The following RSPO3 variants were observed in gnomAD, a reference collection of about 807,000 sequenced individuals.
The protein encoded by RSPO3 is R-spondin 3.
Under a neutral mutation model 36.5 loss-of-function variants are expected in RSPO3, and 17 were observed. The observed-to-expected ratio is 0.47, with a 90% CI of 0.32 to 0.70. The LOEUF is 0.70. Ranked by LOEUF, RSPO3 falls within the 30% of genes least tolerant of loss-of-function variation. The pLI, the probability that RSPO3 is intolerant of heterozygous loss-of-function variation, is 0.04. For synonymous variants in RSPO3, 108 were observed against 107.0 expected (o/e 1.01, Z -0.06); for missense variants, 294 against 322.5 (o/e 0.91, Z 0.68).
chr6:127,147,044 C>T (rs1240466658), intron 1 of RSPO3, among the ~76,000 whole-genome samples: 2 of 152,118 alleles, frequency 1.3e-5, no homozygotes, highest in African/African-American at 2.4e-5. Flanking sequence ...GACTACCCCG[C>T]CCCCACAGAG....
At chr6:127,175,710 G>A (rs538096359) in intron 4 of RSPO3, among the ~76,000 whole-genome samples, 2 of 151,674 alleles carry the variant, frequency 1.3e-5, no homozygotes, top group African/African-American at 4.8e-5. Flanking sequence ...CAAATTGATG[G>A]CCTTAAACTG....
chr6:127,133,535 A>G (rs1774096292), intron 1 of RSPO3, among the ~76,000 whole-genome samples: 1 of 152,134 alleles, frequency 6.6e-6, no homozygotes, highest in African/African-American at 2.4e-5. Flanking sequence ...CAGAAAACTG[A>G]TCTTAAAGTC....
chr6:127,155,171 C>T (rs773207581), intron 3 of RSPO3, 70 bp from the exon 4 acceptor site: 5 of 1,493,842 alleles, frequency 3.3e-6, no homozygotes, highest in Non-Finnish European at 4.7e-6. Flanking sequence ...GGAAGCAAAT[C>T]TTTTTTTAAC....
intron 1 of RSPO3, among the ~76,000 whole-genome samples, chr6:127,132,351 G>A (rs1562240798): frequency 6.6e-6 from 1 of 152,120 alleles, no homozygotes; most frequent in Admixed American, 6.6e-5. Flanking sequence ...CAAGAGAGGA[G>A]TTAGTATGAA....
chr6:127,132,916 C>T (rs1195606034), intron 1 of RSPO3, among the ~76,000 whole-genome samples: 1 of 152,004 alleles, frequency 6.6e-6, no homozygotes, highest in Non-Finnish European at 1.5e-5. Context: ...CTAGGAAAGG[C>T]ATATGTCATT....
intron 4 of RSPO3, 73 bp from the exon 5 acceptor site, chr6:127,195,750 C>G (rs1471086857): frequency 9.5e-7 from 1 of 1,048,470 alleles, no homozygotes; most frequent in Non-Finnish European, 1.3e-6. Flanking sequence ...AAATTTAAGT[C>G]ATTTTTTAAA....
At chr6:127,124,477 C>T (rs993608162) in intron 1 of RSPO3, among the ~76,000 whole-genome samples, 22 of 151,442 alleles carry the variant, frequency 1.5e-4, no homozygotes, top group African/African-American at 4.9e-4. Flanking sequence ...TTGGTTAGGA[C>T]TATTTCTTCT....
At chr6:127,131,843 C>T (rs1405275760) in intron 1 of RSPO3, among the ~76,000 whole-genome samples, 1 of 152,072 alleles carries the variant, frequency 6.6e-6, no homozygotes, top group East Asian at 1.9e-4. Flanking sequence ...TCTTCACACA[C>T]TTCTTGTACA....
intron 4 of RSPO3, among the ~76,000 whole-genome samples, chr6:127,178,113 T>C (rs1775093162): frequency 6.6e-6 from 1 of 151,784 alleles, no homozygotes; most frequent in Non-Finnish European, 1.5e-5. Context: ...TGAATTTAAA[T>C]ATTGAAATGG....
At chr6:127,172,662 C>A (rs1241322896) in intron 4 of RSPO3, among the ~76,000 whole-genome samples, 1 of 151,734 alleles carries the variant, frequency 6.6e-6, no homozygotes, top group Non-Finnish European at 1.5e-5. Flanking sequence ...AACATAGATT[C>A]TTTCTGATTG....
chr6:127,169,433 C>G (rs1341419138), intron 4 of RSPO3, among the ~76,000 whole-genome samples: 4 of 151,806 alleles, frequency 2.6e-5, no homozygotes, highest in Admixed American at 6.6e-5. Context: ...TATGTATAAG[C>G]TATCTTGTCC....
intron 4 of RSPO3, among the ~76,000 whole-genome samples, chr6:127,155,891 T>TAC (rs1370562353): frequency 4.6e-4 from 70 of 150,740 alleles, no homozygotes; most frequent in South Asian, 6.3e-4. Context: ...TATATATATA[T>TAC]ACACACACAC....
chr6:127,170,134 T>G (rs909525865), intron 4 of RSPO3, among the ~76,000 whole-genome samples: 1 of 151,630 alleles, frequency 6.6e-6, no homozygotes, highest in African/African-American at 2.4e-5. Context: ...AGAGGAGACT[T>G]TTAGTGGGCA....
chr6:127,174,636 A>G (rs193260267), intron 4 of RSPO3, among the ~76,000 whole-genome samples: 1 of 43,340 alleles, frequency 2.3e-5, no homozygotes, highest in Non-Finnish European at 6.4e-5. Context: ...ACTAGAATGG[A>G]ACTAGTCTTA....
intron 4 of RSPO3, chr6:127,192,850 G>A (rs1485329664): frequency 3.7e-6 from 1 of 267,280 alleles, no homozygotes. Context: ...TGCCAAAAAA[G>A]CCTGAAAAAA....
At chr6:127,141,881 ATG>A (rs1422751539) in intron 1 of RSPO3, among the ~76,000 whole-genome samples, 34 of 151,590 alleles carry the variant, frequency 2.2e-4, no homozygotes, top group African/African-American at 7.6e-4. Context: ...ACACACATAT[ATG>A]TGTGTGTGTA....
intron 4 of RSPO3, among the ~76,000 whole-genome samples, chr6:127,191,963 CCA>C (rs1359134941): frequency 6.6e-6 from 1 of 152,126 alleles, no homozygotes; most frequent in Non-Finnish European, 1.5e-5. Context: ...TTTCAATGCC[CCA>C]GATTCACCAT....
chr6:127,148,990 A>T, intron 2 of RSPO3, 151 bp downstream of exon 2: 6 of 632,726 alleles, frequency 9.5e-6, no homozygotes, highest in Non-Finnish European at 9.9e-6. Context: ...CTTAACCCTC[A>T]GAACCAGAAA....
chr6:127,183,051 T>G (rs1444023940), intron 4 of RSPO3, among the ~76,000 whole-genome samples: 1 of 151,988 alleles, frequency 6.6e-6, no homozygotes, highest in Non-Finnish European at 1.5e-5. Context: ...TGACCACCTC[T>G]TTTTCTCCAA....
Sources: allele counts gnomAD v4.1 joint callset (sites outside exome capture counted in the v4.1 genomes callset), GRCh38; gene constraint gnomAD v4.1.1; transcripts MANE v1.5; gene names NCBI Gene and HGNC (gene_info 2026-07-23, HGNC 2026-07-21).